CNTNAP2: variants seen among roughly 807,000 people sequenced by gnomAD.
CNTNAP2 encodes the protein contactin associated protein 2, also known as contactin-associated protein-like 2.
In CNTNAP2, 98 loss-of-function variants were observed where a neutral mutation model predicts 155.2. That is an observed-to-expected ratio of 0.63 (90% CI 0.54 to 0.75). The LOEUF (loss-of-function observed/expected upper bound fraction) is 0.75, where lower values mean the gene tolerates loss of function less well. CNTNAP2 is among the 30% of genes least tolerant of loss of function. CNTNAP2 has a pLI of 0.00. For missense variants in CNTNAP2, 1,727 were observed against 1,688.1 expected (o/e 1.02, Z -0.40); for synonymous variants, 651 against 631.2 (o/e 1.03, Z -0.47).
At position 147,866,370 on chromosome 7, in the gene CNTNAP2, T is replaced by C. The variant is rs189303623; in HGVS notation, c.2099-37195T>C. On this transcript the variant is annotated intron_variant, in intron 13 of 23. Transcript: ENST00000361727. ...GGTCATTTTTAGAATAAGTGTGATG[T>C]GGTGCTGAGAAAAATGTGTATTCTG... Among the ~76,000 whole-genome samples, 337 of 152,296 alleles carry C rather than the reference T, an allele frequency of 2.2e-3. 1 individual carries two copies. Among genetic ancestry groups the C allele is most frequent in the African/African-American group, 7.8e-3 (325 of 41,566 alleles).
In CNTNAP2 at chr7:147,954,073, G is replaced by T. The variant is rs569227896; in HGVS notation, c.2256-23789G>T. On this transcript the variant is annotated intron_variant, in intron 14 of 23. Transcript: ENST00000361727. ...TCTAGAAGAGTTGGAGAGAGAAATG[G>T]GATAGAAGGGAGATGAGCAGGAAGA... Among the ~76,000 whole-genome samples, 52 of 152,198 alleles carry T rather than the reference G, an allele frequency of 3.4e-4. 1 individual carries two copies. In the South Asian group the frequency reaches 0.011, roughly 32 times the overall value.
intron 3 of CNTNAP2, among the ~76,000 whole-genome samples, chr7:146,859,613 C>T (rs1795058277): frequency 6.6e-6 from 1 of 151,804 alleles, no homozygotes; most frequent in Non-Finnish European, 1.5e-5. Flanking sequence ...GCCAAGATCG[C>T]ACACCGTTGC....
At position 147,236,619 on chromosome 7, in the gene CNTNAP2, C is replaced by A. The variant is rs192817095; in HGVS notation, c.1349-63522C>A. Among the ~76,000 whole-genome samples, 60 of 151,486 alleles carry A rather than the reference C, an allele frequency of 4.0e-4. 1 individual carries two copies. In the East Asian group the frequency reaches 0.011, roughly 27 times the overall value. On this transcript the variant is annotated intron_variant, in intron 8 of 23. Transcript: ENST00000361727. ...TTTTAAATCTTAACCTGTAAAAATC[C>A]CAATTGTCTAAATTGAGAGTGCTTT... is the stretch of plus-strand genomic sequence containing the variant.
intron 13 of CNTNAP2, among the ~76,000 whole-genome samples, chr7:147,896,292 C>T (rs1219525329): frequency 6.6e-6 from 1 of 152,172 alleles, no homozygotes; most frequent in Non-Finnish European, 1.5e-5. Context: ...CAGCCTGGAT[C>T]CCATGCACAG....
chr7:147,692,793 CT>C (rs1480381296), intron 13 of CNTNAP2, among the ~76,000 whole-genome samples: 2 of 151,974 alleles, frequency 1.3e-5, no homozygotes, highest in Non-Finnish European at 2.9e-5. Context: ...TAGTCTTTGA[CT>C]TGTCTTTTTA....
chr7:147,999,971 T>C (rs1027633193), intron 15 of CNTNAP2, among the ~76,000 whole-genome samples: 1 of 152,150 alleles, frequency 6.6e-6, no homozygotes, highest in Middle Eastern at 3.2e-3. Flanking sequence ...TTCTGTTGAT[T>C]TGAGCCACCC....
intron 3 of CNTNAP2, among the ~76,000 whole-genome samples, chr7:146,914,856 A>G (rs1163454830): frequency 2.7e-5 from 4 of 149,118 alleles, no homozygotes; most frequent in Non-Finnish European, 3.0e-5. Context: ...TTTTTTTTGC[A>G]TTTTCTTTTG....
intron 9 of CNTNAP2, among the ~76,000 whole-genome samples, chr7:147,313,690 G>C (rs1264483509): frequency 6.6e-6 from 1 of 152,112 alleles, no homozygotes; most frequent in Non-Finnish European, 1.5e-5. Flanking sequence ...TTGAAGTCAG[G>C]TAGCGTGATG....
At chr7:146,794,274 C>T (rs1209191105) in intron 2 of CNTNAP2, among the ~76,000 whole-genome samples, 1 of 152,138 alleles carries the variant, frequency 6.6e-6, no homozygotes, top group African/African-American at 2.4e-5. Context: ...TATGTCTGAA[C>T]ATTATATGCA....
At chr7:147,789,968 A>T (rs1222217120) in intron 13 of CNTNAP2, among the ~76,000 whole-genome samples, 2 of 152,176 alleles carry the variant, frequency 1.3e-5, no homozygotes, top group Non-Finnish European at 2.9e-5. Context: ...CTCAGCTTGC[A>T]GAAAGCCTAT....
intron 1 of CNTNAP2, among the ~76,000 whole-genome samples, chr7:146,525,425 T>C (rs911017120): frequency 3.9e-5 from 6 of 152,150 alleles, no homozygotes; most frequent in African/African-American, 1.4e-4. Context: ...TTGCATCAAA[T>C]AGAAATACCA....
Position 146,766,367 on chromosome 7 carries a change from G to C in CNTNAP2, c.98-7904G>C, listed in dbSNP as rs1431328398. On this transcript the variant is annotated intron_variant, in intron 1 of 23. Transcript: ENST00000361727. ...TGGCACACAAAATATTGAAATTCCT[G>C]CAATATTATTATATAGGGTAACATT... is the stretch of plus-strand genomic sequence containing the variant. Among the ~76,000 whole-genome samples, 7 of 152,164 alleles carry C rather than the reference G, an allele frequency of 4.6e-5. No individual in the cohort carries two copies. In the South Asian group the frequency reaches 8.3e-4, roughly 18 times the overall value.
At chr7:147,270,334 A>G (rs1804715962) in intron 8 of CNTNAP2, among the ~76,000 whole-genome samples, 7 of 152,240 alleles carry the variant, frequency 4.6e-5, no homozygotes, top group Admixed American at 4.6e-4. Flanking sequence ...AAGGCTTTGT[A>G]TGACAAAAAA....
At chr7:146,712,536 A>G (rs954293028) in intron 1 of CNTNAP2, among the ~76,000 whole-genome samples, 2 of 151,078 alleles carry the variant, frequency 1.3e-5, no homozygotes, top group Non-Finnish European at 3.0e-5. Context: ...AAAGGCCAGA[A>G]TGATTTATTT....
rs78543192 is a variant in CNTNAP2, at chr7:147,132,298, C to T, written c.1137C>T (p.Asn379=). The part of the protein sequence containing the change: ...VEPYTVPVFF[N]ATSYLEVPGR... Reference sequence around the variant, plus strand: ...CCTATACGGTGCCTGTCTTTTTCAACGCTACAAGTTACCTGGAGGTGCCCG... The same window carrying T: ...CCTATACGGTGCCTGTCTTTTTCAATGCTACAAGTTACCTGGAGGTGCCCG... The change falls in exon 8 of 24, where the codon AAC becomes AAT. Residue 379 remains asparagine, a synonymous_variant. Transcript: ENST00000361727. 8.2e-4 allele frequency: 1,331 copies of T among 1,613,712 alleles called. 10 individuals carry two copies. The African/African-American group carries it at 0.015, about 18-fold the overall frequency.
At chr7:147,015,414 C>A (rs1025112120) in intron 3 of CNTNAP2, among the ~76,000 whole-genome samples, 1 of 152,062 alleles carries the variant, frequency 6.6e-6, no homozygotes, top group African/African-American at 2.4e-5. Flanking sequence ...CTATAGCTAA[C>A]ATGCTGGCAT....
chr7:147,069,698 CA>C (rs1221606427), intron 4 of CNTNAP2, among the ~76,000 whole-genome samples: 4 of 152,134 alleles, frequency 2.6e-5, no homozygotes, highest in African/African-American at 9.7e-5. Context: ...TCCCCAAACT[CA>C]TTAGCTGCTA....
intron 8 of CNTNAP2, among the ~76,000 whole-genome samples, chr7:147,247,415 T>C (rs1228058210): frequency 6.6e-6 from 1 of 152,172 alleles, no homozygotes; most frequent in South Asian, 2.1e-4. Flanking sequence ...TTAATCTCTG[T>C]TCAATTTCCA....
At chr7:146,801,399 A>G (rs1345488069) in intron 2 of CNTNAP2, among the ~76,000 whole-genome samples, 1 of 152,166 alleles carries the variant, frequency 6.6e-6, no homozygotes, top group Non-Finnish European at 1.5e-5. Context: ...AAACCATATC[A>G]TTGACCAAAC....
Sources: gnomAD v4.1 joint callset for allele counts (sites outside exome capture counted in the v4.1 genomes callset) on GRCh38, gnomAD v4.1.1 for gene constraint, MANE v1.5 for transcripts, NCBI Gene and HGNC (gene_info 2026-07-23, HGNC 2026-07-21) for gene names.